CAPN7: variants seen among roughly 807,000 people sequenced by gnomAD.
CAPN7 encodes the protein calpain 7.
Under a neutral mutation model 115.2 loss-of-function variants are expected in CAPN7, and 72 were observed. That is an observed-to-expected ratio of 0.63 (90% CI 0.52 to 0.76). CAPN7 has a LOEUF of 0.76. CAPN7 is among the 30% of genes least tolerant of loss of function. The pLI is 0.00. For missense variants in CAPN7, 905 were observed against 971.5 expected (o/e 0.93, Z 0.91); for synonymous variants, 344 against 322.3 (o/e 1.07, Z -0.72).
rs745578389 is a variant in CAPN7 at position 15,235,160 on chromosome 3, C to A, written c.1407+15C>A. 7.0e-6 allele frequency: 11 copies of A among 1,576,576 alleles called. No homozygotes were observed. The African/African-American group carries it at 1.5e-4, about 22-fold the overall frequency. The stretch of plus-strand genomic sequence containing the variant: ...GAGAGTTCAAGGTTTTGCCTTAAAT[C>A]TTTTTCTTTTATTTTTCTTGTTGGA... On this transcript the variant is annotated intron_variant, in intron 12 of 20. Coordinates refer to ENST00000253693, the MANE Select transcript of CAPN7 (RefSeq NM_014296.3).
intron 2 of CAPN7, 98 bp from the exon 3 acceptor site, chr3:15,217,327 C>A: frequency 6.7e-6 from 7 of 1,037,162 alleles, no homozygotes; most frequent in South Asian, 4.5e-5. Context: ...ATGAAGAATA[C>A]AGGGTTTTGG....
intron 12 of CAPN7, among the ~76,000 whole-genome samples, chr3:15,238,400 C>T (rs1695131552): frequency 6.6e-6 from 1 of 151,932 alleles, no homozygotes; most frequent in Admixed American, 6.6e-5. Context: ...AGGCGTGAGC[C>T]CCCACGCCTG....
intron 1 of CAPN7, among the ~76,000 whole-genome samples, chr3:15,210,414 CA>C (rs2044864309): frequency 6.6e-6 from 1 of 151,660 alleles, no homozygotes; most frequent in Non-Finnish European, 1.5e-5. Flanking sequence ...AGTGTAGTTA[CA>C]ATGTATTTAG....
Position 15,241,577 on chromosome 3 carries a change from A to G in CAPN7, c.1777A>G (p.Ile593Val), listed in dbSNP as rs148188341. 5.6e-6 allele frequency: 9 copies of G among 1,613,990 alleles called. No individual in the cohort carries two copies. Among genetic ancestry groups the G allele is most frequent in the East Asian group, 2.2e-5 (1 of 44,884 alleles). ...AGTTTGGGTTTTGCTTAGTAGACAC[A>G]TAACAGACAAGGTACTGATACCCTT... Reference protein sequence around the residue: ...AAVWVLLSRHITDKDDFANNR... With the variant: ...AAVWVLLSRHVTDKDDFANNR... The change falls in exon 15 of 21, where the codon ATA (isoleucine) becomes GTA (valine). Residue 593 changes from isoleucine to valine, a missense_variant. Around this residue, in one of 3 missense-constraint regions of CAPN7, gnomAD observed 620 missense variants for 703.4 expected, o/e 0.88. Coordinates refer to ENST00000253693, the MANE Select transcript of CAPN7 (RefSeq NM_014296.3).
chr3:15,217,432 A>C lies in CAPN7; in HGVS notation c.219A>C (p.Ser73=). Residue 73 remains serine, a synonymous_variant, in exon 3 of 21, where the codon TCA becomes TCC. Coordinates refer to ENST00000253693, the MANE Select transcript of CAPN7 (RefSeq NM_014296.3). ...RVQALHSAVQ[S]KSADPLKSKH... ...TTTTTTTTTCTATCCTAGTTCAGTCAAAGAGTGCTGATCCTTTGAAGTCAA... is the reference window on the plus strand; with the variant it reads ...TTTTTTTTTCTATCCTAGTTCAGTCCAAGAGTGCTGATCCTTTGAAGTCAA... The C allele has an allele frequency of 2.5e-6, 4 of 1,610,820 alleles. No homozygotes were observed. The highest frequency in any genetic ancestry group is 3.4e-6 in the Non-Finnish European group (4 of 1,178,712).
chr3:15,248,441 GAC>G (rs1318539196), intron 19 of CAPN7, among the ~76,000 whole-genome samples: 1 of 152,150 alleles, frequency 6.6e-6, no homozygotes, highest in Non-Finnish European at 1.5e-5. Flanking sequence ...GTCAAGAACA[GAC>G]AAAACTGAAA....
chr3:15,232,529 A>G lies in CAPN7; in HGVS notation c.1043A>G (p.Asp348Gly). 1.2e-6 allele frequency: 2 copies of G among 1,604,516 alleles called. No individual in the cohort carries two copies. The highest frequency in any genetic ancestry group is 1.7e-6 in the Non-Finnish European group (2 of 1,177,074). Residue 348 changes from aspartate (D) to glycine (G), a missense_variant, in exon 10 of 21, where the codon GAT becomes GGT. By Grantham distance (94) the Asp-to-Gly change is moderately conservative. Coordinates refer to ENST00000253693, the MANE Select transcript of CAPN7 (RefSeq NM_014296.3). ...GTTCTCTTTCTCCAGGTGATAATTG[A>G]TGACCAGTTACCTGTTGATCACAAG... ...LNGVPRKVII[D>G]DQLPVDHKGE... is the part of the protein sequence containing the mutation.
chr3:15,233,676 A>G (rs1694824883), intron 10 of CAPN7, among the ~76,000 whole-genome samples, 191 bp from the exon 11 acceptor site: 1 of 152,246 alleles, frequency 6.6e-6, no homozygotes, highest in African/African-American at 2.4e-5. Context: ...GATTGTAGGG[A>G]AAAATATGCA....
At chr3:15,221,188 T>C (rs1297904360) in intron 5 of CAPN7, among the ~76,000 whole-genome samples, 1 of 149,804 alleles carries the variant, frequency 6.7e-6, no homozygotes, top group Non-Finnish European at 1.5e-5. Context: ...TATTTTCATT[T>C]GTATTTTTTG....
intron 12 of CAPN7, 86 bp downstream of exon 12, chr3:15,235,231 C>T: frequency 8.2e-7 from 1 of 1,215,526 alleles, no homozygotes; most frequent in Non-Finnish European, 1.1e-6. Flanking sequence ...CTTCTGAATA[C>T]TGACAAATCA....
At chr3:15,240,902 C>A (rs1410175225) in intron 14 of CAPN7, 49 bp downstream of exon 14, 10 of 1,190,162 alleles carry the variant, frequency 8.4e-6, no homozygotes, top group Non-Finnish European at 1.2e-5. Context: ...CATCCACTTT[C>A]CTCACTTAAA....
At position 15,240,845 on chromosome 3, in the gene CAPN7, T is replaced by G; in HGVS notation, c.1644T>G (p.Cys548Trp). 4 of 1,594,200 alleles carry G rather than the reference T, an allele frequency of 2.5e-6. No homozygotes were observed. The highest frequency in any genetic ancestry group is 3.4e-6 in the Non-Finnish European group (4 of 1,162,460). ...CAGGTCTTTTTAAAGAATCAACATG[T>G]ATTCACAGGTAACTTTTTGCACATT... ...WNPGLFKEST[C>W]IHSTWDAKQG... The change falls in exon 14 of 21, where the codon TGT (cysteine) becomes TGG (tryptophan). Residue 548 changes from cysteine (C) to tryptophan (W), a missense_variant. Transcript: ENST00000253693.
At chr3:15,243,260 A>G (rs1027169716) in intron 16 of CAPN7, among the ~76,000 whole-genome samples, 4 of 152,188 alleles carry the variant, frequency 2.6e-5, no homozygotes, top group Admixed American at 2.6e-4. Flanking sequence ...GAGGTCAGAA[A>G]GATTTGCAGA....
chr3:15,215,340 C>G (rs763904498), intron 2 of CAPN7, among the ~76,000 whole-genome samples: 2 of 152,268 alleles, frequency 1.3e-5, no homozygotes, highest in Non-Finnish European at 2.9e-5. Context: ...GCAAGTTTAG[C>G]GAGATACAAT....
At chr3:15,217,074 CAA>C (rs11286121) in intron 2 of CAPN7, among the ~76,000 whole-genome samples, 6,853 of 113,522 alleles carry the variant, frequency 0.06, 534 homozygotes, top group African/African-American at 0.18. Context: ...CCCATCTCTA[CAA>C]AAAAAAAAAA....
intron 2 of CAPN7, among the ~76,000 whole-genome samples, chr3:15,212,681 A>G: frequency 6.6e-6 from 1 of 152,204 alleles, no homozygotes; most frequent in East Asian, 1.9e-4. Flanking sequence ...GGAAAGTGAC[A>G]TGTAAACAGA....
At chr3:15,225,027 G>A (rs1019530430) in intron 6 of CAPN7, among the ~76,000 whole-genome samples, 24 of 152,176 alleles carry the variant, frequency 1.6e-4, no homozygotes, top group Non-Finnish European at 2.8e-4. Context: ...CGGGCAAGTT[G>A]TTAAATCTGT....
chr3:15,223,479 A>T lies in CAPN7; in HGVS notation c.643A>T (p.Thr215Ser), dbSNP rs566674844. The stretch of plus-strand genomic sequence containing the variant: ...TTTTTTTCTCGTGTTTGATAGGACA[A>T]CATCAAAAATAAATGGTATAGAATA... ...TAEEIEVLRT[T>S]SKINGIEYVP... is the part of the protein sequence containing the mutation. Residue 215 changes from threonine (T) to serine (S), a missense_variant, in exon 6 of 21, where the codon ACA becomes TCA. Physicochemically the swap from Thr to Ser is moderately conservative, Grantham distance 58. Coordinates refer to ENST00000253693, the MANE Select transcript of CAPN7 (RefSeq NM_014296.3). 95 of 1,601,278 alleles carry T rather than the reference A, an allele frequency of 5.9e-5. 1 individual carries two copies. The South Asian group carries it at 1.0e-3, about 17-fold the overall frequency.
chr3:15,210,140 A>C (rs2044849077), intron 1 of CAPN7, among the ~76,000 whole-genome samples: 1 of 150,840 alleles, frequency 6.6e-6, no homozygotes, highest in Admixed American at 6.6e-5. Flanking sequence ...AGCTGGGACT[A>C]CAGGTGTGCA....
Sources: allele counts gnomAD v4.1 joint callset (sites outside exome capture counted in the v4.1 genomes callset), GRCh38; gene constraint gnomAD v4.1.1; regional missense constraint gnomAD v4.1.1; transcripts MANE v1.5; gene names NCBI Gene and HGNC (gene_info 2026-07-23, HGNC 2026-07-21).